Variants in SLC7A2 observed in about 807,000 individuals in gnomAD.
The protein encoded by SLC7A2 is cationic amino acid transporter 2.
SLC7A2 carries 48 observed loss-of-function variants against 58.9 expected under a neutral mutation model. That is an observed-to-expected ratio of 0.82 (90% CI 0.65 to 1.04). SLC7A2 has a LOEUF of 1.04. Among genes scored for constraint, SLC7A2 ranks in the 50% least tolerant of loss-of-function variants. The pLI, the probability that SLC7A2 is intolerant of heterozygous loss-of-function variation, is 0.00. For synonymous variants in SLC7A2, 363 were observed against 314.5 expected (o/e 1.15, Z -1.63); for missense variants, 1,029 against 818.8 (o/e 1.26, Z -3.13).
intron 10 of SLC7A2, among the ~76,000 whole-genome samples, chr8:17,561,538 C>T (rs537131233): frequency 6.6e-6 from 1 of 152,104 alleles, no homozygotes; most frequent in Non-Finnish European, 1.5e-5. Flanking sequence ...GGGGACACAG[C>T]CAACTCATAT....
rs750937063 is a variant in SLC7A2, at chr8:17,560,516, T to C, written c.1487T>C (p.Phe496Ser). 1 of 1,613,756 alleles carries C rather than the reference T, an allele frequency of 6.2e-7. No homozygotes were observed. The highest frequency in any genetic ancestry group is 8.5e-7 in the Non-Finnish European group (1 of 1,179,726). Reference protein sequence around the residue: ...PTQQSASLVSFLVGFLAFLVL... With the variant: ...PTQQSASLVSSLVGFLAFLVL... ...CAGCAGTCAGCTTCTCTCGTGAGCT[T>C]TCTGGTAGGATTCCTAGGTAAGTCT... The change falls in exon 10 of 13, where the codon TTT (phenylalanine) becomes TCT (serine). Residue 496 changes from phenylalanine (F) to serine (S), a missense_variant. Physicochemically the swap from Phe to Ser is radical, Grantham distance 155 (BLOSUM62 -2). Coordinates refer to ENST00000494857, the MANE Select transcript of SLC7A2 (RefSeq NM_001370338.1).
At chr8:17,501,895 A>T (rs57672595) in intron 1 of SLC7A2, among the ~76,000 whole-genome samples, 56,482 of 150,734 alleles carry the variant, frequency 0.37, 11,356 homozygotes, top group East Asian at 0.62. Flanking sequence ...AAAAAAAAAA[A>T]AGTCCCAACT....
intron 2 of SLC7A2, among the ~76,000 whole-genome samples, chr8:17,531,961 C>G (rs929481006): frequency 6.6e-6 from 1 of 151,944 alleles, no homozygotes; most frequent in Non-Finnish European, 1.5e-5. Context: ...GGCACGGTGG[C>G]TCATGCCTAT....
rs891532093 is a variant in SLC7A2, at chr8:17,566,246, G to A, written c.*1100G>A. 1 of 152,024 alleles carries A rather than the reference G, an allele frequency of 6.6e-6. No individual in the cohort carries two copies. The highest frequency in any genetic ancestry group is 1.5e-5 in the Non-Finnish European group (1 of 68,002). 9.4% of individuals were successfully genotyped at this position (152,024 alleles called of 1,614,324 possible). A position where few individuals can be genotyped will look rare whatever the true frequency, so the allele number is the denominator to read the frequency against. On this transcript the variant is annotated 3_prime_UTR_variant, in exon 13 of 13. Coordinates refer to ENST00000494857, the MANE Select transcript of SLC7A2 (RefSeq NM_001370338.1). Reference sequence around the variant, plus strand: ...CCAGAGTTCACTTCTTTGTTTCTCTGTTTCTTTTGTCTTGTCTTAGAGATG... The same window carrying A: ...CCAGAGTTCACTTCTTTGTTTCTCTATTTCTTTTGTCTTGTCTTAGAGATG...
chr8:17,532,232 A>C (rs1383206878), intron 2 of SLC7A2, among the ~76,000 whole-genome samples: 1 of 36,928 alleles, frequency 2.7e-5, no homozygotes, highest in Non-Finnish European at 1.2e-4. Context: ...TCTATCTCAA[A>C]AAAAAAAAAA....
At chr8:17,501,694 C>G (rs991168741) in intron 1 of SLC7A2, among the ~76,000 whole-genome samples, 2 of 151,870 alleles carry the variant, frequency 1.3e-5, no homozygotes, top group Non-Finnish European at 2.9e-5. Context: ...CACCGTATCC[C>G]CATCCTCCTG....
intron 9 of SLC7A2, among the ~76,000 whole-genome samples, chr8:17,558,656 A>G (rs1198896806): frequency 6.6e-6 from 1 of 152,244 alleles, no homozygotes; most frequent in Non-Finnish European, 1.5e-5. Context: ...GACACTTAAA[A>G]ATGCTGTGCT....
chr8:17,565,875 T>A lies in SLC7A2; in HGVS notation c.*729T>A, dbSNP rs948677654. On this transcript the variant is annotated 3_prime_UTR_variant, in exon 13 of 13. Coordinates refer to ENST00000494857, the MANE Select transcript of SLC7A2 (RefSeq NM_001370338.1). ...GGCATCCTTTTGAACTTTTGTCTCC[T>A]TTGCAAACAGTGGTCCTAAAATACG... 1 of 152,248 alleles carries A rather than the reference T, an allele frequency of 6.6e-6. No homozygotes were observed. The highest frequency in any genetic ancestry group is 2.4e-5 in the African/African-American group (1 of 41,470). The allele number at this position is 152,248 out of a possible 1,614,324, so 9.4% of individuals were successfully genotyped here.
chr8:17,507,906 A>G (rs74947343), intron 2 of SLC7A2, among the ~76,000 whole-genome samples: 30,141 of 152,070 alleles, frequency 0.2, 3,152 homozygotes, highest in Middle Eastern at 0.25. Flanking sequence ...TGGATAAGCT[A>G]TTTTCGTAGA....
chr8:17,501,613 C>G (rs940586342), intron 1 of SLC7A2, among the ~76,000 whole-genome samples: 2 of 152,004 alleles, frequency 1.3e-5, no homozygotes, highest in African/African-American at 4.8e-5. Context: ...TGATACGGGA[C>G]TTTATACACC....
At chr8:17,560,585 T>C (rs1303904550) in intron 10 of SLC7A2, 52 bp downstream of exon 10, 1 of 1,441,832 alleles carries the variant, frequency 6.9e-7, no homozygotes, top group African/African-American at 1.4e-5. Flanking sequence ...TGTGTGTGAG[T>C]AGAGCTGGCA....
intron 2 of SLC7A2, among the ~76,000 whole-genome samples, chr8:17,512,563 T>C (rs1055162934): frequency 6.6e-6 from 1 of 151,870 alleles, no homozygotes; most frequent in Non-Finnish European, 1.5e-5. Context: ...AACAAACACA[T>C]AGAACCCCAA....
At chr8:17,545,800 T>A (rs1802143801) in intron 4 of SLC7A2, among the ~76,000 whole-genome samples, 2 of 152,300 alleles carry the variant, frequency 1.3e-5, no homozygotes, top group East Asian at 3.9e-4. Context: ...TCTTCCTTGC[T>A]TTACCCTGGG....
Position 17,550,405 on chromosome 8 carries a change from T to C in SLC7A2, c.803T>C (p.Phe268Ser). Residue 268 changes from phenylalanine (F) to serine (S), a missense_variant, in exon 6 of 13, where the codon TTT becomes TCT. Physicochemically the swap from Phe to Ser is radical, Grantham distance 155. Transcript: ENST00000494857. ...LAGAATCFYA[F>S]VGFDCIATTG... is the part of the protein sequence containing the mutation. ...GGTGCTGCAACTTGCTTTTATGCCT[T>C]TGTGGGATTTGACTGCATTGCAACA... 1 of 1,613,870 alleles carries C rather than the reference T, an allele frequency of 6.2e-7. No homozygotes were observed. The highest frequency in any genetic ancestry group is 8.5e-7 in the Non-Finnish European group (1 of 1,179,892).
intron 2 of SLC7A2, among the ~76,000 whole-genome samples, chr8:17,520,581 C>T (rs1800973981): frequency 1.6e-5 from 2 of 124,356 alleles, no homozygotes; most frequent in South Asian, 2.9e-4. Flanking sequence ...GTGAAGGTTG[C>T]AGTGAGCCGA....
chr8:17,505,739 T>G (rs1160155655), intron 2 of SLC7A2, among the ~76,000 whole-genome samples: 1 of 152,196 alleles, frequency 6.6e-6, no homozygotes, highest in Non-Finnish European at 1.5e-5. Flanking sequence ...GCATCTTTAG[T>G]GTGACATTTG....
chr8:17,559,034 T>G (rs1333807628), intron 9 of SLC7A2, among the ~76,000 whole-genome samples: 1 of 152,232 alleles, frequency 6.6e-6, no homozygotes, highest in Non-Finnish European at 1.5e-5. Flanking sequence ...TGATTAACAC[T>G]GGCTGATGGT....
At chr8:17,532,330 C>T (rs951114065) in intron 2 of SLC7A2, among the ~76,000 whole-genome samples, 2 of 149,750 alleles carry the variant, frequency 1.3e-5, no homozygotes, top group African/African-American at 2.5e-5. Flanking sequence ...GGAAAGCTTC[C>T]CTGCTGCCTC....
chr8:17,540,320 C>T (rs562594777), intron 2 of SLC7A2, among the ~76,000 whole-genome samples: 49 of 152,190 alleles, frequency 3.2e-4, no homozygotes, highest in Middle Eastern at 3.4e-3. Context: ...CATCGAGTAA[C>T]CTGCCAGTTC....
Sources: allele counts gnomAD v4.1 joint callset (sites outside exome capture counted in the v4.1 genomes callset), GRCh38; gene constraint gnomAD v4.1.1; transcripts MANE v1.5; gene names NCBI Gene and HGNC (gene_info 2026-07-23, HGNC 2026-07-21).